Variants in CDCA7L observed in about 807,000 individuals in gnomAD.
CDCA7L encodes cell division cycle associated 7 like, also known as cell division cycle-associated 7-like protein.
In CDCA7L, 44 loss-of-function variants were observed where a neutral mutation model predicts 57.4. That is an observed-to-expected ratio of 0.77 (90% confidence interval 0.60 to 0.98). The LOEUF (loss-of-function observed/expected upper bound fraction) is 0.98, where lower values mean the gene tolerates loss of function less well. Ranked by LOEUF, CDCA7L falls within the 50% of genes least tolerant of loss-of-function variation. The pLI is 0.00. For synonymous variants in CDCA7L, 236 were observed against 202.8 expected, an observed-to-expected ratio of 1.16 and a Z score of -1.39; for missense variants, 644 against 580.6, an observed-to-expected ratio of 1.11 and a Z score of -1.12.
chr7:21,901,265 G>C lies in CDCA7L; in HGVS notation c.*1057C>G. On this transcript the variant is annotated 3_prime_UTR_variant, in exon 10 of 10. Coordinates refer to ENST00000406877, the MANE Select transcript of CDCA7L (RefSeq NM_018719.5). Reference sequence around the variant, plus strand: ...CTTCTAGAAGCGTAAGGTAACACTGGCATTCCTCTAGCCTCTGCTGGAGTG... The same window carrying C: ...CTTCTAGAAGCGTAAGGTAACACTGCCATTCCTCTAGCCTCTGCTGGAGTG... The C allele has an allele frequency of 6.2e-7, 1 of 1,604,406 alleles. No homozygotes were observed. Among genetic ancestry groups the C allele is most frequent in the Non-Finnish European group, 8.5e-7 (1 of 1,174,688 alleles).
intron 2 of CDCA7L, among the ~76,000 whole-genome samples, chr7:21,914,164 C>T (rs1264885188): frequency 6.6e-6 from 1 of 152,188 alleles, no homozygotes; most frequent in Non-Finnish European, 1.5e-5. Flanking sequence ...GAGCAATGGC[C>T]TGTTGAACCA....
chr7:21,901,475 A>G lies in CDCA7L; in HGVS notation c.*847T>C, dbSNP rs1784844665. On this transcript the variant is annotated 3_prime_UTR_variant, in exon 10 of 10. Coordinates refer to ENST00000406877, the MANE Select transcript of CDCA7L (RefSeq NM_018719.5). ...CTGTAATCCCAGTTACTCAGGAGGT[A>G]GGAGAATCACTTGAACCTAGGAGGC... is the stretch of plus-strand genomic sequence containing the variant. 2.0e-6 allele frequency: 1 copy of G among 502,008 alleles called. No individual in the cohort carries two copies. Among genetic ancestry groups the G allele is most frequent in the African/African-American group, 2.0e-5 (1 of 50,440 alleles). The allele number at this position is 502,008 out of a possible 1,614,324, so 31.1% of individuals were successfully genotyped here.
intron 1 of CDCA7L, 108 bp from the exon 2 acceptor site, chr7:21,917,002 G>A (rs920675454): frequency 1.9e-5 from 26 of 1,335,090 alleles, no homozygotes; most frequent in African/African-American, 8.7e-5. Context: ...CAACTGCCAC[G>A]GTTGCCCAGA....
In CDCA7L at chr7:21,901,393, T is replaced by A; in HGVS notation, c.*929A>T. ...TCTTTTTTCAACGCTATCCTTAGAG[T>A]GAAAGTCAGAAAAAAATACTAGAAA... On this transcript the variant is annotated 3_prime_UTR_variant, in exon 10 of 10. Transcript: ENST00000406877. The A allele has an allele frequency of 8.1e-7, 1 of 1,233,378 alleles. No homozygotes were observed. The highest frequency in any genetic ancestry group is 1.0e-6 in the Non-Finnish European group (1 of 954,294). The allele number at this position is 1,233,378 out of a possible 1,614,324, so 76.4% of individuals were successfully genotyped here.
At chr7:21,913,440 C>T (rs923666614) in intron 2 of CDCA7L, among the ~76,000 whole-genome samples, 1 of 152,150 alleles carries the variant, frequency 6.6e-6, no homozygotes, top group Non-Finnish European at 1.5e-5. Flanking sequence ...CAAGTTCATG[C>T]AGCTTCTCTC....
intron 3 of CDCA7L, among the ~76,000 whole-genome samples, chr7:21,911,255 C>A (rs1785316871): frequency 6.6e-6 from 1 of 151,730 alleles, no homozygotes; most frequent in Admixed American, 6.6e-5. Context: ...GTCTTGAACT[C>A]CTGACCTCAG....
chr7:21,904,439 C>T (rs2128056928), intron 7 of CDCA7L, among the ~76,000 whole-genome samples, 180 bp from the exon 8 acceptor site: 1 of 152,302 alleles, frequency 6.6e-6, no homozygotes, highest in Middle Eastern at 3.4e-3. Flanking sequence ...AGCCCCCAGG[C>T]TAGAACCAGT....
At chr7:21,922,003 G>C (rs149265277) in intron 1 of CDCA7L, among the ~76,000 whole-genome samples, 2 of 152,130 alleles carry the variant, frequency 1.3e-5, no homozygotes, top group Admixed American at 6.6e-5. Flanking sequence ...ACCTAACATA[G>C]AGCCCAGCCT....
intron 3 of CDCA7L, among the ~76,000 whole-genome samples, chr7:21,910,690 C>T (rs1254042433): frequency 6.6e-6 from 1 of 152,194 alleles, no homozygotes; most frequent in African/African-American, 2.4e-5. Context: ...CAGGTTCAAA[C>T]ACGAGTGGGC....
Position 21,915,940 on chromosome 7 carries a change from T to C in CDCA7L, c.165+814A>G, listed in dbSNP as rs538132032. 3.3e-5 allele frequency among the ~76,000 whole-genome samples: 5 copies of C among 152,150 alleles called. No individual in the cohort carries two copies. In the South Asian group the frequency reaches 8.3e-4, roughly 25 times the overall value. On this transcript the variant is annotated intron_variant, in intron 2 of 9. Transcript: ENST00000406877. ...GGTCAACTGCTGTGGAGATGCCAAA[T>C]GAGATGAGGACGACAGAGACCAGGG...
At chr7:21,915,731 G>A (rs1057075517) in intron 2 of CDCA7L, among the ~76,000 whole-genome samples, 1 of 151,932 alleles carries the variant, frequency 6.6e-6, no homozygotes, top group Non-Finnish European at 1.5e-5. Flanking sequence ...GGAGGCTGAG[G>A]CTGGGAAAAT....
chr7:21,929,145 A>G (rs1785916456), intron 1 of CDCA7L, among the ~76,000 whole-genome samples: 1 of 152,218 alleles, frequency 6.6e-6, no homozygotes, highest in Non-Finnish European at 1.5e-5. Context: ...GGGTGGGGTC[A>G]ATATTCAACA....
intron 6 of CDCA7L, 33 bp from the exon 7 acceptor site, chr7:21,905,664 G>A (rs372842456): frequency 2.5e-6 from 4 of 1,590,128 alleles, no homozygotes; most frequent in African/African-American, 2.7e-5. Flanking sequence ...ACATGGAGAT[G>A]TGTTGAGCAG....
Position 21,944,449 on chromosome 7 carries a change from C to CAAAAAAAAAAAA in CDCA7L, c.24+1320_24+1331dup, listed in dbSNP as rs59373889. 5.2e-4 allele frequency among the ~76,000 whole-genome samples: 32 copies of CAAAAAAAAAAAA among 61,632 alleles called. 1 individual carries two copies. The highest frequency in any genetic ancestry group is 1.7e-3 in the African/African-American group (19 of 11,154). The allele number at this position is 61,632 out of a possible 152,430, so 40.4% of individuals were successfully genotyped here. On this transcript the variant is annotated intron_variant, in intron 1 of 9. Transcript: ENST00000406877. Reference sequence around the variant, plus strand: ...CCGGACAAGAGCGAAACTCCGTCTCCAAAAAAAAAAAAAAAAAAAAAAGGA... The same window carrying CAAAAAAAAAAAA: ...CCGGACAAGAGCGAAACTCCGTCTCCAAAAAAAAAAAAAAAAAAAAAAAAAAAAAAAAAAGGA...
chr7:21,915,746 T>C (rs1348924569), intron 2 of CDCA7L, among the ~76,000 whole-genome samples: 1 of 151,718 alleles, frequency 6.6e-6, no homozygotes, highest in Non-Finnish European at 1.5e-5. Context: ...GAAAATTGCT[T>C]GAACCCGGGA....
At chr7:21,937,894 G>T (rs1052657292) in intron 1 of CDCA7L, among the ~76,000 whole-genome samples, 2 of 152,080 alleles carry the variant, frequency 1.3e-5, no homozygotes, top group African/African-American at 4.8e-5. Context: ...GATTAGGTTG[G>T]ACCCTTACCT....
rs146658427 is a variant in CDCA7L at position 21,902,268 on chromosome 7, C to T, written c.*54G>A. 15,262 of 1,481,616 alleles carry T rather than the reference C, an allele frequency of 0.01. 117 individuals are homozygous for T. The highest frequency in any genetic ancestry group is 0.025 in the South Asian group (2,180 of 88,798). 91.8% of individuals were successfully genotyped at this position (1,481,616 alleles called of 1,614,324 possible). ...ATCTTTCTTAGGCACCAATGGTATG[C>T]ATGTCTTGTTGGAGTACTCTATGGT... On this transcript the variant is annotated 3_prime_UTR_variant, in exon 10 of 10. Transcript: ENST00000406877.
Position 21,903,109 on chromosome 7 carries a change from C to G in CDCA7L, c.1203G>C (p.Trp401Cys). The change falls in exon 9 of 10, where the codon TGG (tryptophan) becomes TGC (cysteine). Residue 401 changes from tryptophan to cysteine, a missense_variant. Transcript: ENST00000406877. ...AGATCCCACGACAGGGGGGACACAC[C>G]CAATCCTAACAGAGAGATGACAGCA... ...DVRSALLDPD[W>C]VCPPCRGICN... The G allele has an allele frequency of 6.2e-7, 1 of 1,613,376 alleles. No individual in the cohort carries two copies. Among genetic ancestry groups the G allele is most frequent in the South Asian group, 1.1e-5 (1 of 90,954 alleles).
Position 21,906,387 on chromosome 7 carries a change from C to CA in CDCA7L, c.822dup (p.Ala275CysfsTer5), listed in dbSNP as rs1197023313. 1 of 1,613,782 alleles carries CA rather than the reference C, an allele frequency of 6.2e-7. No homozygotes were observed. Among genetic ancestry groups the CA allele is most frequent in the African/African-American group, 1.3e-5 (1 of 74,916 alleles). ...AGAGCAAACTTCTCAGGAGGCCGCG[C>CA]ACTCCGGGTTGGGTTCATACGCCGC... On this transcript the variant is annotated frameshift_variant, in exon 6 of 10. Transcript: ENST00000406877. LOFTEE classifies it high-confidence loss of function.
Sources: allele counts gnomAD v4.1 joint callset (sites outside exome capture counted in the v4.1 genomes callset), GRCh38; gene constraint gnomAD v4.1.1; transcripts MANE v1.5; gene names NCBI Gene and HGNC (gene_info 2026-07-23, HGNC 2026-07-21).